Variants in SYT6 observed in about 807,000 individuals in gnomAD.
The protein encoded by SYT6 is synaptotagmin 6, also known as synaptotagmin-6.
In SYT6, 24 loss-of-function variants were observed where a neutral mutation model predicts 38.4. The observed-to-expected ratio is 0.62, with a 90% confidence interval of 0.45 to 0.88. The LOEUF (loss-of-function observed/expected upper bound fraction) is 0.88, where lower values mean the gene tolerates loss of function less well. SYT6 is among the 40% of genes least tolerant of loss of function. The pLI is 0.00. For synonymous variants in SYT6, 265 were observed against 241.9 expected (o/e 1.10, Z -0.89); for missense variants, 611 against 621.0 (o/e 0.98, Z 0.17).
chr1:114,138,164 C>A (rs941428931), intron 2 of SYT6, 111 bp from the exon 3 acceptor site: 12 of 1,082,772 alleles, frequency 1.1e-5, no homozygotes, highest in Middle Eastern at 2.8e-4. Flanking sequence ...TTGTTGAGCC[C>A]CCTTTTCCTT....
Position 114,090,276 on chromosome 1 carries a change from G to A in SYT6, c.*1858C>T, listed in dbSNP as rs963726409. 4 of 152,366 alleles carry A rather than the reference G, an allele frequency of 2.6e-5. No homozygotes were observed. The highest frequency in any genetic ancestry group is 9.6e-5 in the African/African-American group (4 of 41,462). The allele number at this position is 152,366 out of a possible 1,614,324, so 9.4% of individuals were successfully genotyped here. A position where few individuals can be genotyped will look rare whatever the true frequency, so the allele number is the denominator to read the frequency against. On this transcript the variant is annotated 3_prime_UTR_variant, in exon 8 of 8. Coordinates refer to ENST00000610222, the MANE Select transcript of SYT6 (RefSeq NM_001253772.2). Reference sequence around the variant, plus strand: ...AGAACACCCAAATGTAGGACTACCAGACTAGGAAGGCCTGTCAATGACAAG... The same window carrying A: ...AGAACACCCAAATGTAGGACTACCAAACTAGGAAGGCCTGTCAATGACAAG...
intron 3 of SYT6, among the ~76,000 whole-genome samples, chr1:114,113,371 A>G (rs1195816486): frequency 1.3e-5 from 2 of 152,176 alleles, no homozygotes; most frequent in East Asian, 3.9e-4. Flanking sequence ...ACTCAGCCAT[A>G]ATGTTAATAT....
rs532304203 is a variant in SYT6 at position 114,140,048 on chromosome 1, C to T, written c.164-85G>A. ...TGAGGGTGTTGGAGGAGGGGGCACACGGAAGGGACAAAGACGGAAGAAGAG... is the reference window on the plus strand; with the variant it reads ...TGAGGGTGTTGGAGGAGGGGGCACATGGAAGGGACAAAGACGGAAGAAGAG... On this transcript the variant is annotated intron_variant, in intron 1 of 7. Coordinates refer to ENST00000610222, the MANE Select transcript of SYT6 (RefSeq NM_001253772.2). 1.1e-4 allele frequency: 82 copies of T among 739,418 alleles called. No homozygotes were observed. In the East Asian group the frequency reaches 1.7e-3, roughly 15 times the overall value. The allele number at this position is 739,418 out of a possible 1,614,324, so 45.8% of individuals were successfully genotyped here.
At chr1:114,122,636 G>A (rs1677484650) in intron 3 of SYT6, among the ~76,000 whole-genome samples, 1 of 152,202 alleles carries the variant, frequency 6.6e-6, no homozygotes, top group Admixed American at 6.5e-5. Context: ...GAGGAGCGCA[G>A]CCAGAGTTTC....
At chr1:114,142,145 G>A (rs74592836) in intron 1 of SYT6, among the ~76,000 whole-genome samples, 26,833 of 152,234 alleles carry the variant, frequency 0.18, 3,110 homozygotes, top group South Asian at 0.33. Context: ...GTCATAGACA[G>A]TGATTCCTCT....
intron 1 of SYT6, among the ~76,000 whole-genome samples, chr1:114,142,474 A>G (rs1251858527): frequency 6.6e-6 from 1 of 152,220 alleles, no homozygotes; most frequent in Non-Finnish European, 1.5e-5. Context: ...GATAAAATAT[A>G]CTCCAGGTAA....
intron 3 of SYT6, among the ~76,000 whole-genome samples, chr1:114,127,830 G>A (rs1677834226): frequency 6.6e-6 from 1 of 152,234 alleles, no homozygotes; most frequent in Non-Finnish European, 1.5e-5. Flanking sequence ...GGGAGGGGGT[G>A]CCAGAGAATA....
At position 114,137,761 on chromosome 1, in the gene SYT6, C is replaced by T. The variant is rs762576626; in HGVS notation, c.805G>A (p.Val269Ile). The T allele has an allele frequency of 1.9e-5, 30 of 1,614,014 alleles. No homozygotes were observed. Among genetic ancestry groups the T allele is most frequent in the Admixed American group, 1.2e-4 (7 of 60,006 alleles). The stretch of plus-strand genomic sequence containing the variant: ...CGGTCAGGCAGGAGGTAGATCTTGA[C>T]ATAAGGGTCAGAGCTTCCACAAAAG... ...KDFCGSSDPY[V>I]KIYLLPDRKC... The change falls in exon 3 of 8, where the codon GTC (valine) becomes ATC (isoleucine). Residue 269 changes from valine (V) to isoleucine (I), a missense_variant. By Grantham distance (29) the Val-to-Ile change is conservative. Transcript: ENST00000610222.
rs781211152 is a variant in SYT6, at chr1:114,139,608, T to A, written c.512+7A>T. On this transcript the variant is annotated splice_region_variant and intron_variant, in intron 2 of 7. Transcript: ENST00000610222. ...GGGGTCAGGGAAGGGAGTGGTCCAC[T>A]CCTCACCTGGTGGATGACGCTGGCT... 4 of 1,613,952 alleles carry A rather than the reference T, an allele frequency of 2.5e-6. No homozygotes were observed. The East Asian group carries it at 8.9e-5, about 36-fold the overall frequency.
intron 3 of SYT6, among the ~76,000 whole-genome samples, chr1:114,103,975 G>T (rs916405359): frequency 1.2e-4 from 19 of 152,034 alleles, no homozygotes; most frequent in African/African-American, 4.6e-4. Flanking sequence ...TTCTGACCCT[G>T]GTCCTTGCTG....
At chr1:114,097,423 A>G (rs919645301) in intron 6 of SYT6, among the ~76,000 whole-genome samples, 1 of 152,252 alleles carries the variant, frequency 6.6e-6, no homozygotes, top group Admixed American at 6.5e-5. Flanking sequence ...AGACTTGGCC[A>G]AGGGCTTTGT....
In SYT6 at chr1:114,089,650, T is replaced by A. The variant is rs1422038262; in HGVS notation, c.*2484A>T. On this transcript the variant is annotated 3_prime_UTR_variant, in exon 8 of 8. Coordinates refer to ENST00000610222, the MANE Select transcript of SYT6 (RefSeq NM_001253772.2). ...GTGAGGGAAGAGATACTGGGCTAGA[T>A]AATGAAGTTGGCAGATGTTCAGGTT... 1 of 152,358 alleles carries A rather than the reference T, an allele frequency of 6.6e-6. No homozygotes were observed. Among genetic ancestry groups the A allele is most frequent in the Admixed American group, 6.5e-5 (1 of 15,288 alleles). The allele number at this position is 152,358 out of a possible 1,614,324, so 9.4% of individuals were successfully genotyped here.
chr1:114,128,153 C>G (rs1422223725), intron 3 of SYT6, among the ~76,000 whole-genome samples: 1 of 152,236 alleles, frequency 6.6e-6, no homozygotes, highest in African/African-American at 2.4e-5. Context: ...CCCAGGCCCC[C>G]AGACTCAGGC....
intron 1 of SYT6, among the ~76,000 whole-genome samples, chr1:114,143,145 T>TACATATATGTATATATTGTATACAC (rs1678959669): frequency 6.7e-6 from 1 of 149,372 alleles, no homozygotes; most frequent in South Asian, 2.1e-4. Flanking sequence ...TATGTATATA[T>TACATATATGTATATATTGTATACAC]ACATATATGT....
chr1:114,095,121 G>T (rs969948335), intron 6 of SYT6, among the ~76,000 whole-genome samples: 4 of 152,180 alleles, frequency 2.6e-5, no homozygotes, highest in Non-Finnish European at 4.4e-5. Flanking sequence ...GATCGTGCGT[G>T]GGGGAGGGGG....
chr1:114,106,472 A>G (rs2100997540), intron 3 of SYT6, among the ~76,000 whole-genome samples: 1 of 152,142 alleles, frequency 6.6e-6, no homozygotes, highest in Middle Eastern at 3.4e-3. Context: ...TATCCTTGCC[A>G]CTGCTCAAAC....
Position 114,093,802 on chromosome 1 carries a change from C to T in SYT6, c.1517G>A (p.Gly506Glu). ...LVEVKKSFKE[G>E]NPRL The stretch of plus-strand genomic sequence containing the variant: ...TGAATGAAATCACAACCGAGGGTTT[C>T]CCTGGTGAAATATTTTAGATAAATA... The change falls in exon 7 of 8, where the codon GGA becomes GAA. Residue 506 changes from glycine to glutamate, a missense_variant and splice_region_variant. By Grantham distance (98) the Gly-to-Glu change is moderately conservative. Transcript: ENST00000610222. 1 of 1,614,040 alleles carries T rather than the reference C, an allele frequency of 6.2e-7. No individual in the cohort carries two copies. Among genetic ancestry groups the T allele is most frequent in the Non-Finnish European group, 8.5e-7 (1 of 1,179,978 alleles).
At chr1:114,126,556 T>C (rs1677753659) in intron 3 of SYT6, among the ~76,000 whole-genome samples, 1 of 152,162 alleles carries the variant, frequency 6.6e-6, no homozygotes, top group African/African-American at 2.4e-5. Context: ...TGTGTGCTAT[T>C]AGGTGGTGGA....
At chr1:114,120,032 C>T (rs1235823411) in intron 3 of SYT6, among the ~76,000 whole-genome samples, 2 of 149,554 alleles carry the variant, frequency 1.3e-5, no homozygotes, top group African/African-American at 4.9e-5. Flanking sequence ...GATCGCACCA[C>T]TGCACTCCAG....
Sources: gnomAD v4.1 joint callset for allele counts (sites outside exome capture counted in the v4.1 genomes callset) on GRCh38, gnomAD v4.1.1 for gene constraint, MANE v1.5 for transcripts, NCBI Gene and HGNC (gene_info 2026-07-23, HGNC 2026-07-21) for gene names.